Variants in EYA2 observed in about 807,000 individuals in gnomAD.
EYA2 encodes protein phosphatase EYA2.
A neutral mutation model predicts 69.2 loss-of-function variants in EYA2; 31 were observed. The ratio of observed to expected loss-of-function variants is 0.45; its 90% CI spans 0.34 to 0.60. The LOEUF (loss-of-function observed/expected upper bound fraction) is 0.60. Ranked by LOEUF, EYA2 falls within the 20% of genes least tolerant of loss-of-function variation. EYA2 has a pLI of 0.02. For synonymous variants in EYA2, 257 were observed against 279.4 expected, an observed-to-expected ratio of 0.92 and a Z score of 0.80; for missense variants, 622 against 701.2, an observed-to-expected ratio of 0.89 and a Z score of 1.28.
chr20:46,935,407 G>A (rs1985863898), intron 1 of EYA2, among the ~76,000 whole-genome samples: 1 of 152,208 alleles, frequency 6.6e-6, no homozygotes, highest in African/African-American at 2.4e-5. Flanking sequence ...GAGTTGTCAT[G>A]ACGATTAAAT....
intron 1 of EYA2, among the ~76,000 whole-genome samples, chr20:46,911,801 G>T (rs559350843): frequency 6.6e-6 from 1 of 152,288 alleles, no homozygotes; most frequent in Non-Finnish European, 1.5e-5. Context: ...AAAGGTGGGG[G>T]TGATGAAGAG....
chr20:47,181,731 A>T (rs920247213), intron 14 of EYA2, among the ~76,000 whole-genome samples: 7 of 152,192 alleles, frequency 4.6e-5, no homozygotes, highest in African/African-American at 1.7e-4. Flanking sequence ...TAAAAAAAAT[A>T]AATAATTTAT....
At chr20:46,901,052 A>G (rs892088215) in intron 1 of EYA2, 2 of 152,206 alleles carry the variant, frequency 1.3e-5, no homozygotes, top group East Asian at 1.9e-4. Flanking sequence ...AAGTGGACAC[A>G]GAAAGCGGGT....
At chr20:46,975,609 A>C (rs561087743) in intron 1 of EYA2, among the ~76,000 whole-genome samples, 1 of 152,220 alleles carries the variant, frequency 6.6e-6, no homozygotes, top group Non-Finnish European at 1.5e-5. Flanking sequence ...CTTGTTTTAC[A>C]TGCGATCAAG....
intron 4 of EYA2, among the ~76,000 whole-genome samples, chr20:47,006,775 G>A (rs1000712867): frequency 1.3e-5 from 2 of 152,168 alleles, no homozygotes; most frequent in Non-Finnish European, 2.9e-5. Flanking sequence ...TCAGGGGTCA[G>A]TGGCTCTATG....
rs112913343 is a variant in EYA2, at chr20:47,167,471, G to A, written c.979-1668G>A. 9.5e-3 allele frequency among the ~76,000 whole-genome samples: 1,440 copies of A among 151,582 alleles called. 25 individuals carry two copies. Among genetic ancestry groups the A allele is most frequent in the African/African-American group, 0.033 (1,360 of 41,322 alleles). On this transcript the variant is annotated intron_variant, in intron 10 of 15. Transcript: ENST00000327619. ...CTAATTTTTTGTATTTTTAGTAGAG[G>A]TGGGGTTTCTCCATGTTGGCCAGGC...
intron 9 of EYA2, among the ~76,000 whole-genome samples, chr20:47,108,312 C>G (rs2032649170): frequency 6.6e-6 from 1 of 152,052 alleles, no homozygotes; most frequent in Admixed American, 6.6e-5. Context: ...AAGAGCCTGG[C>G]AGCTCCCTCC....
At chr20:46,927,969 CAAT>C (rs1350708540) in intron 1 of EYA2, among the ~76,000 whole-genome samples, 1 of 152,174 alleles carries the variant, frequency 6.6e-6, no homozygotes, top group Non-Finnish European at 1.5e-5. Flanking sequence ...TTATCACAAA[CAAT>C]AATAACAGAT....
chr20:46,930,769 G>T (rs760796618), intron 1 of EYA2, among the ~76,000 whole-genome samples: 3 of 152,214 alleles, frequency 2.0e-5, no homozygotes, highest in African/African-American at 2.4e-5. Flanking sequence ...ATGGGAGGGA[G>T]GCCACATGGG....
At chr20:47,138,069 G>A (rs906091711) in intron 9 of EYA2, among the ~76,000 whole-genome samples, 3 of 151,614 alleles carry the variant, frequency 2.0e-5, no homozygotes, top group Non-Finnish European at 2.9e-5. Flanking sequence ...CAGCACACCA[G>A]CATGGCACAT....
intron 10 of EYA2, among the ~76,000 whole-genome samples, chr20:47,149,894 C>T (rs1334535332): frequency 6.6e-6 from 1 of 152,062 alleles, no homozygotes; most frequent in Non-Finnish European, 1.5e-5. Flanking sequence ...TACACACACG[C>T]AAGATTTGCA....
chr20:46,950,944 A>G (rs1978758484), intron 1 of EYA2, among the ~76,000 whole-genome samples: 1 of 152,198 alleles, frequency 6.6e-6, no homozygotes, highest in Admixed American at 6.5e-5. Flanking sequence ...ATCTAAGGCT[A>G]CACCCTGATG....
chr20:47,072,549 A>C (rs1472699184), intron 6 of EYA2, among the ~76,000 whole-genome samples: 1 of 152,168 alleles, frequency 6.6e-6, no homozygotes, highest in Non-Finnish European at 1.5e-5. Flanking sequence ...GATATATATC[A>C]ATACAAATGG....
intron 5 of EYA2, among the ~76,000 whole-genome samples, chr20:47,035,065 G>A (rs1333403598): frequency 6.6e-6 from 1 of 152,242 alleles, no homozygotes; most frequent in Non-Finnish European, 1.5e-5. Flanking sequence ...CTGGGCCTTA[G>A]GAGATGAACA....
At chr20:47,096,648 A>G (rs2032255002) in intron 8 of EYA2, among the ~76,000 whole-genome samples, 1 of 152,246 alleles carries the variant, frequency 6.6e-6, no homozygotes, top group Non-Finnish European at 1.5e-5. Flanking sequence ...AAGTTGAAAA[A>G]TCAGTAAGGG....
chr20:47,022,179 C>T (rs571206165), intron 5 of EYA2, among the ~76,000 whole-genome samples: 7 of 152,318 alleles, frequency 4.6e-5, no homozygotes, highest in East Asian at 1.9e-4. Flanking sequence ...AGGGCCCCTC[C>T]GTCCAAACTC....
chr20:47,058,282 G>A (rs1298380737), intron 5 of EYA2, among the ~76,000 whole-genome samples: 3 of 152,244 alleles, frequency 2.0e-5, no homozygotes, highest in South Asian at 4.1e-4. Context: ...AAAATAGCAA[G>A]TGGGATTATG....
chr20:47,013,230 G>A (rs976687237), intron 4 of EYA2, among the ~76,000 whole-genome samples: 6 of 152,152 alleles, frequency 3.9e-5, no homozygotes, highest in African/African-American at 9.7e-5. Context: ...GAGAGCAGAG[G>A]TTCAACAGTG....
At chr20:47,130,142 T>G (rs959226890) in intron 9 of EYA2, among the ~76,000 whole-genome samples, 1 of 152,270 alleles carries the variant, frequency 6.6e-6, no homozygotes, top group East Asian at 1.9e-4. Flanking sequence ...AAAATGCCTT[T>G]TTTATGATCC....
Sources: gnomAD v4.1 joint callset for allele counts (sites outside exome capture counted in the v4.1 genomes callset) on GRCh38, gnomAD v4.1.1 for gene constraint, MANE v1.5 for transcripts, NCBI Gene and HGNC (gene_info 2026-07-23, HGNC 2026-07-21) for gene names.